Variants in NXPE4 observed in about 807,000 individuals in gnomAD.
The protein encoded by NXPE4 is NXPE family member 4.
A neutral mutation model predicts 33.3 loss-of-function variants in NXPE4; 42 were observed. The ratio of observed to expected loss-of-function variants is 1.26; its 90% CI spans 0.98 to 1.63. The LOEUF is 1.63. Ranked by LOEUF, NXPE4 falls within the 40% of genes most tolerant of loss-of-function variation. The probability of loss-of-function intolerance (pLI) is 0.00; values close to 1 mark genes in which losing one functional copy is unlikely to be tolerated. For missense variants in NXPE4, 709 were observed against 647.6 expected, an observed-to-expected ratio of 1.09 and a Z score of -1.03; for synonymous variants, 253 against 234.9, an observed-to-expected ratio of 1.08 and a Z score of -0.71.
chr11:114,601,226 T>C, the NXPE4 span, among the ~76,000 whole-genome samples: 2 of 151,182 alleles, frequency 1.3e-5, no homozygotes, highest in African/African-American at 4.9e-5. Context: ...AAGTAATTTT[T>C]CATCCCATTT....
chr11:114,594,577 A>C lies in NXPE4; in HGVS notation c.96+87T>G, dbSNP rs1201839561. 3.6e-6 allele frequency: 3 copies of C among 821,958 alleles called. No homozygotes were observed. The East Asian group carries it at 7.4e-5, about 20-fold the overall frequency. The allele number at this position is 821,958 out of a possible 1,614,324, so 50.9% of individuals were successfully genotyped here. A position where few individuals can be genotyped will look rare whatever the true frequency, so the allele number is the denominator to read the frequency against. Reference sequence around the variant, plus strand: ...TCAAACTCCCCTCCTATAATCTACAAGTCTTGTAGTTTAGCCTTTCCTAGA... The same window carrying C: ...TCAAACTCCCCTCCTATAATCTACACGTCTTGTAGTTTAGCCTTTCCTAGA... On this transcript the variant is annotated intron_variant, in intron 2 of 5. Transcript: ENST00000375478.
the NXPE4 span, among the ~76,000 whole-genome samples, chr11:114,664,904 C>T: frequency 2.0e-5 from 3 of 152,086 alleles, no homozygotes; most frequent in East Asian, 5.8e-4. Context: ...CAGCTGTTGG[C>T]TAATGTAAGT....
chr11:114,633,998 A>G, the NXPE4 span, among the ~76,000 whole-genome samples: 1 of 151,954 alleles, frequency 6.6e-6, no homozygotes, highest in Non-Finnish European at 1.5e-5. Context: ...TGGCTGGGTC[A>G]AATGGTATTT....
chr11:114,661,502 T>C, the NXPE4 span, among the ~76,000 whole-genome samples: 3 of 152,202 alleles, frequency 2.0e-5, no homozygotes, highest in Non-Finnish European at 4.4e-5. Context: ...TGTCATCATA[T>C]TGCAACTGAT....
the NXPE4 span, among the ~76,000 whole-genome samples, chr11:114,602,461 T>C: frequency 1.5e-5 from 2 of 134,954 alleles, no homozygotes; most frequent in East Asian, 2.2e-4. Context: ...TTATAAATAA[T>C]ATATAAATTA....
the NXPE4 span, among the ~76,000 whole-genome samples, chr11:114,638,041 T>TAATA: frequency 2.6e-5 from 4 of 151,844 alleles, no homozygotes; most frequent in African/African-American, 9.7e-5. Context: ...TTCTCCTGGA[T>TAATA]AATATCCTGC....
chr11:114,624,451 A>G, the NXPE4 span, among the ~76,000 whole-genome samples: 1 of 152,050 alleles, frequency 6.6e-6, no homozygotes, highest in Non-Finnish European at 1.5e-5. Flanking sequence ...CTCATGGGTA[A>G]CCACTGTTAC....
rs143137700 is a variant in NXPE4, at chr11:114,579,550, C to A, written c.1099+582G>T. ...GATGCAAAGTCTACCTCACTTCTGACATCTGTTCTCTTAGGTAATGATGAC... is the reference window on the plus strand; with the variant it reads ...GATGCAAAGTCTACCTCACTTCTGAAATCTGTTCTCTTAGGTAATGATGAC... On this transcript the variant is annotated intron_variant, in intron 5 of 5. Transcript: ENST00000375478. 1.5e-3 allele frequency among the ~76,000 whole-genome samples: 231 copies of A among 152,348 alleles called. 2 individuals are homozygous for A. The highest frequency in any genetic ancestry group is 4.4e-3 in the African/African-American group (184 of 41,588).
chr11:114,611,883 C>A, the NXPE4 span, among the ~76,000 whole-genome samples: 2 of 151,764 alleles, frequency 1.3e-5, no homozygotes, highest in African/African-American at 4.8e-5. Context: ...AGAAATATTG[C>A]CTCATGGGTA....
the NXPE4 span, among the ~76,000 whole-genome samples, chr11:114,624,545 C>G: frequency 1.3e-5 from 2 of 151,664 alleles, no homozygotes; most frequent in Non-Finnish European, 3.0e-5. Flanking sequence ...CCACTGTTAC[C>G]TAGTGGATAA....
chr11:114,621,269 G>A, the NXPE4 span, among the ~76,000 whole-genome samples: 3 of 152,164 alleles, frequency 2.0e-5, no homozygotes, highest in Middle Eastern at 3.2e-3. Flanking sequence ...TGCCTCATGG[G>A]TAACCACTGT....
chr11:114,593,101 A>G (rs1161185487), intron 2 of NXPE4, among the ~76,000 whole-genome samples: 1 of 152,174 alleles, frequency 6.6e-6, no homozygotes, highest in African/African-American at 2.4e-5. Flanking sequence ...AATACTGTTC[A>G]GGACACTGAT....
At chr11:114,676,772 A>T in the NXPE4 span, among the ~76,000 whole-genome samples, 14,005 of 152,146 alleles carry the variant, frequency 0.092, 760 homozygotes, top group Middle Eastern at 0.2. Flanking sequence ...TCCAAAGGAA[A>T]AGAAGTCAGT....
chr11:114,659,638 A>G, the NXPE4 span, among the ~76,000 whole-genome samples: 1 of 152,262 alleles, frequency 6.6e-6, no homozygotes, highest in Non-Finnish European at 1.5e-5. Flanking sequence ...TGAATATGAA[A>G]ATAATATATC....
chr11:114,658,910 AT>A, the NXPE4 span, among the ~76,000 whole-genome samples: 42 of 152,306 alleles, frequency 2.8e-4, no homozygotes, highest in Non-Finnish European at 5.7e-4. Flanking sequence ...AGCAACAGCA[AT>A]CTACCATGGA....
At chr11:114,636,413 G>C in the NXPE4 span, among the ~76,000 whole-genome samples, 2 of 152,014 alleles carry the variant, frequency 1.3e-5, no homozygotes, top group Non-Finnish European at 2.9e-5. Context: ...CAAAAAACCA[G>C]CTCCTGGATT....
the NXPE4 span, among the ~76,000 whole-genome samples, chr11:114,630,907 A>G: frequency 6.6e-6 from 1 of 151,844 alleles, no homozygotes; most frequent in African/African-American, 2.4e-5. Flanking sequence ...TATGCAGCCA[A>G]AAAACACATG....
the NXPE4 span, among the ~76,000 whole-genome samples, chr11:114,672,364 G>C: frequency 6.6e-6 from 1 of 151,552 alleles, no homozygotes. Flanking sequence ...GAATTAAGAT[G>C]TTACACTAGA....
the NXPE4 span, among the ~76,000 whole-genome samples, chr11:114,617,920 T>G: frequency 6.6e-5 from 10 of 152,162 alleles, no homozygotes; most frequent in East Asian, 1.4e-3. Context: ...GGGTAACCAC[T>G]GTAATCTGCT....
Sources: gnomAD v4.1 joint callset for allele counts (sites outside exome capture counted in the v4.1 genomes callset) on GRCh38, gnomAD v4.1.1 for gene constraint, MANE v1.5 for transcripts, NCBI Gene and HGNC (gene_info 2026-07-23, HGNC 2026-07-21) for gene names.